The following CTBP1 variants were observed in gnomAD, a reference collection of about 807,000 sequenced individuals.
CTBP1 encodes C-terminal binding protein 1.
In CTBP1, 11 loss-of-function variants were observed where a neutral mutation model predicts 42.1. The ratio of observed to expected loss-of-function variants is 0.26; its 90% CI spans 0.16 to 0.43. The LOEUF (loss-of-function observed/expected upper bound fraction) is 0.43. Among genes scored for constraint, CTBP1 ranks in the 20% least tolerant of loss-of-function variants. CTBP1 has a pLI of 1.00. For missense variants in CTBP1, 399 were observed against 624.3 expected (o/e 0.64, Z 3.85); for synonymous variants, 324 against 277.1 (o/e 1.17, Z -1.68).
intron 5 of CTBP1, chr4:1,221,883 G>A: frequency 2.5e-6 from 1 of 399,310 alleles, no homozygotes. Context: ...AAGGGAAGGA[G>A]GGAGGAAAGA....
chr4:1,241,666 T>C lies in CTBP1; in HGVS notation c.-188-147A>G, dbSNP rs765441337. Reference sequence around the variant, plus strand: ...TGGGACCTACCTGGACTCGGGGGCCTGCTGACAGCCAGGGGCCCCGGCTCC... The same window carrying C: ...TGGGACCTACCTGGACTCGGGGGCCCGCTGACAGCCAGGGGCCCCGGCTCC... On this transcript the variant is annotated intron_variant, in intron 1 of 9. Coordinates refer to ENST00000382952, the MANE Select transcript of CTBP1 (RefSeq NM_001012614.2). 6.3e-4 allele frequency: 815 copies of C among 1,298,758 alleles called. 11 individuals carry two copies. Among genetic ancestry groups the C allele is most frequent in the Middle Eastern group, 1.2e-3 (4 of 3,264 alleles). The allele number at this position is 1,298,758 out of a possible 1,614,324, so 80.5% of individuals were successfully genotyped here.
rs1264121179 is a variant in CTBP1, at chr4:1,242,887, C to A, written c.-188-1368G>T. ...GCCAGGGGGCAAGGCACCGCGCCACCCACGCCCAGCCAAACTCATCAATGC... is the reference window on the plus strand; with the variant it reads ...GCCAGGGGGCAAGGCACCGCGCCACACACGCCCAGCCAAACTCATCAATGC... On this transcript the variant is annotated intron_variant, in intron 1 of 9. Coordinates refer to ENST00000382952, the MANE Select transcript of CTBP1 (RefSeq NM_001012614.2). 3.3e-5 allele frequency: 33 copies of A among 985,322 alleles called. No homozygotes were observed. The Admixed American group carries it at 2.0e-3, about 61-fold the overall frequency. The allele number at this position is 985,322 out of a possible 1,614,324, so 61.0% of individuals were successfully genotyped here. A position where few individuals can be genotyped will look rare whatever the true frequency, so the allele number is the denominator to read the frequency against.
At chr4:1,244,221 G>A (rs939020596) in intron 1 of CTBP1, 18 of 985,078 alleles carry the variant, frequency 1.8e-5, no homozygotes, top group East Asian at 2.3e-4. Flanking sequence ...TGCCCACTCC[G>A]CCCCGATCCA....
intron 3 of CTBP1, among the ~76,000 whole-genome samples, chr4:1,230,273 T>G (rs1274352898): frequency 6.6e-6 from 1 of 152,168 alleles, no homozygotes; most frequent in African/African-American, 2.4e-5. Flanking sequence ...GGGCGACTGG[T>G]GCACAGCTGT....
Position 1,236,511 on chromosome 4 carries a change from CAAG to C in CTBP1, c.162+1669_162+1671del, listed in dbSNP as rs1731509612. On this transcript the variant is annotated intron_variant, in intron 3 of 9. Coordinates refer to ENST00000382952, the MANE Select transcript of CTBP1 (RefSeq NM_001012614.2). ...CTCTGGGAAAAAACTGAAAATGAAT[CAAG>C]AAGCCACAGGGCAAACCCGGTGTCC... 5 of 598,562 alleles carry C rather than the reference CAAG, an allele frequency of 8.4e-6. No homozygotes were observed. The East Asian group carries it at 1.4e-4, about 17-fold the overall frequency. The allele number at this position is 598,562 out of a possible 1,614,324, so 37.1% of individuals were successfully genotyped here. A position where few individuals can be genotyped will look rare whatever the true frequency, so the allele number is the denominator to read the frequency against.
chr4:1,244,827 G>C, intron 1 of CTBP1: 1 of 985,436 alleles, frequency 1.0e-6, no homozygotes. Context: ...GGCTGTCCAG[G>C]CCTGGAGGCC....
rs559024283 is a variant in CTBP1, at chr4:1,227,150, C to T, written c.307+1049G>A. Among the ~76,000 whole-genome samples, 196 of 152,254 alleles carry T rather than the reference C, an allele frequency of 1.3e-3. 1 individual carries two copies. The highest frequency in any genetic ancestry group is 2.0e-3 in the Non-Finnish European group (134 of 68,034). On this transcript the variant is annotated intron_variant, in intron 4 of 9. Coordinates refer to ENST00000382952, the MANE Select transcript of CTBP1 (RefSeq NM_001012614.2). ...CTGTACATGGATGCAGACACATGTG[C>T]ATGTTCCATGTGCGTGTAGGTGCAC...
In CTBP1 at chr4:1,243,871, A is replaced by C. The variant is rs1732441930; in HGVS notation, c.-188-2352T>G. The C allele has an allele frequency of 2.0e-5, 20 of 985,452 alleles. No individual in the cohort carries two copies. In the South Asian group the frequency reaches 7.5e-4, roughly 37 times the overall value. The allele number at this position is 985,452 out of a possible 1,614,324, so 61.0% of individuals were successfully genotyped here. A position where few individuals can be genotyped will look rare whatever the true frequency, so the allele number is the denominator to read the frequency against. Reference sequence around the variant, plus strand: ...CGCACACGGCTCTCAGCCCAGCGACACGAGGACAGTCTCCAGCTTCTCACC... The same window carrying C: ...CGCACACGGCTCTCAGCCCAGCGACCCGAGGACAGTCTCCAGCTTCTCACC... On this transcript the variant is annotated intron_variant, in intron 1 of 9. Coordinates refer to ENST00000382952, the MANE Select transcript of CTBP1 (RefSeq NM_001012614.2).
In CTBP1 at chr4:1,238,515, G is replaced by A. The variant is rs1361924164; in HGVS notation, c.8-178C>T. Among the ~76,000 whole-genome samples, 1 of 152,012 alleles carries A rather than the reference G, an allele frequency of 6.6e-6. No homozygotes were observed. The highest frequency in any genetic ancestry group is 1.5e-5 in the Non-Finnish European group (1 of 68,002). On this transcript the variant is annotated intron_variant, in intron 2 of 9. Coordinates refer to ENST00000382952, the MANE Select transcript of CTBP1 (RefSeq NM_001012614.2). The surrounding 1 kb of genome is among the most constrained non-coding windows in gnomAD (Gnocchi z 5.9). ...AATCCACGTGAAAGACAACTCGTGTGTGCCTCAGCTCGCTGACTCAAGTGG... is the reference window on the plus strand; with the variant it reads ...AATCCACGTGAAAGACAACTCGTGTATGCCTCAGCTCGCTGACTCAAGTGG...
At chr4:1,249,456 C>T (rs1170156183), upstream of CTBP1, 1 of 154,408 alleles carries the variant, frequency 6.5e-6, no homozygotes, top group East Asian at 1.9e-4. Flanking sequence ...ACGTCAGCGC[C>T]TGGCGCGGGC....
chr4:1,244,142 T>C (rs1333779369), intron 1 of CTBP1: 4 of 985,304 alleles, frequency 4.1e-6, no homozygotes, highest in African/African-American at 1.7e-5. Context: ...CCTGGCCACA[T>C]GTCAACGCCC....
chr4:1,236,419 C>T, intron 3 of CTBP1: 1 of 561,380 alleles, frequency 1.8e-6, no homozygotes, highest in East Asian at 3.0e-5. Flanking sequence ...GACCGCCGCG[C>T]AACTGGGGCC....
At chr4:1,219,074 G>A (rs561436729) in intron 5 of CTBP1, among the ~76,000 whole-genome samples, 184 of 152,236 alleles carry the variant, frequency 1.2e-3, no homozygotes, top group South Asian at 2.3e-3. Flanking sequence ...GCTCACACCC[G>A]TAATCCCAGC....
In CTBP1 at chr4:1,216,130, G is replaced by A. The variant is rs567980949; in HGVS notation, c.590C>T (p.Ser197Leu). 223 of 1,611,328 alleles carry A rather than the reference G, an allele frequency of 1.4e-4. 1 individual carries two copies. Among genetic ancestry groups the A allele is most frequent in the South Asian group, 7.5e-4 (68 of 90,988 alleles). Reference protein sequence around the residue: ...FNVLFYDPYLSDGVERALGLQ... With the variant: ...FNVLFYDPYLLDGVERALGLQ... ...CCCCAGCGCCCGCTCCACGCCATCCGACAAGTAAGGGTCGTAGAAGAGCAC... is the reference window on the plus strand; with the variant it reads ...CCCCAGCGCCCGCTCCACGCCATCCAACAAGTAAGGGTCGTAGAAGAGCAC... Residue 197 changes from serine (S) to leucine (L), a missense_variant, in exon 6 of 10, where the codon TCG becomes TTG. Ser to Leu is a moderately radical substitution (Grantham distance 145, BLOSUM62 -2). Around this residue, in one of 4 missense-constraint regions of CTBP1, gnomAD observed 309 missense variants for 497.5 expected, o/e 0.62. Coordinates refer to ENST00000382952, the MANE Select transcript of CTBP1 (RefSeq NM_001012614.2).
chr4:1,239,056 C>A (rs947838594), intron 2 of CTBP1, among the ~76,000 whole-genome samples: 2 of 152,210 alleles, frequency 1.3e-5, no homozygotes, highest in African/African-American at 4.8e-5. Context: ...AGAAAAGAAA[C>A]AGAACAAAGG....
At chr4:1,227,923 C>T (rs1459374736) in intron 4 of CTBP1, among the ~76,000 whole-genome samples, 1 of 152,216 alleles carries the variant, frequency 6.6e-6, no homozygotes, top group East Asian at 1.9e-4. Flanking sequence ...AGTACCCAAG[C>T]AAGGGGCACC....
At chr4:1,241,823 T>A in intron 1 of CTBP1, 1 of 1,165,252 alleles carries the variant, frequency 8.6e-7, no homozygotes, top group Non-Finnish European at 1.1e-6. Flanking sequence ...TCTAGCCGCA[T>A]CCAGATGTCC....
chr4:1,241,316 C>T lies in CTBP1; in HGVS notation c.7+9G>A, dbSNP rs773629651. ...CACTCTGCCGCCGACGCCAGGAACC[C>T]CTACCAACCTGACATCTCTTAATAT... On this transcript the variant is annotated intron_variant, in intron 2 of 9. Coordinates refer to ENST00000382952, the MANE Select transcript of CTBP1 (RefSeq NM_001012614.2). The T allele has an allele frequency of 2.4e-6, 2 of 841,368 alleles. No individual in the cohort carries two copies. Among genetic ancestry groups the T allele is most frequent in the Admixed American group, 1.7e-5 (1 of 59,126 alleles). The allele number at this position is 841,368 out of a possible 1,614,324, so 52.1% of individuals were successfully genotyped here. A position where few individuals can be genotyped will look rare whatever the true frequency, so the allele number is the denominator to read the frequency against.
In CTBP1 at chr4:1,216,034, T is replaced by C; in HGVS notation, c.686A>G (p.Asn229Ser). 7.4e-6 allele frequency: 12 copies of C among 1,611,644 alleles called. No homozygotes were observed. The highest frequency in any genetic ancestry group is 1.0e-5 in the Non-Finnish European group (12 of 1,179,854). ...SDCVTLHCGL[N>S]EHNHHLINDF... The stretch of plus-strand genomic sequence containing the variant: ...GTTGATGAGGTGGTGGTTGTGCTCG[T>C]TGAGGCCGCAGTGCAGGGTCACGCA... The change falls in exon 6 of 10, where the codon AAC becomes AGC. Residue 229 changes from asparagine to serine, a missense_variant. Physicochemically the swap from Asn to Ser is conservative, Grantham distance 46. Around this residue, in one of 4 missense-constraint regions of CTBP1, gnomAD observed 309 missense variants for 497.5 expected, o/e 0.62. Transcript: ENST00000382952.
Sources: gnomAD v4.1 joint callset for allele counts (sites outside exome capture counted in the v4.1 genomes callset) on GRCh38, gnomAD v4.1.1 for gene constraint, gnomAD v4.1.1 regional missense constraint, Gnocchi (gnomAD v3.1) non-coding constraint, MANE v1.5 for transcripts, NCBI Gene and HGNC (gene_info 2026-07-23, HGNC 2026-07-21) for gene names.